GNAT1: variants seen among roughly 807,000 people sequenced by gnomAD.
GNAT1 encodes G protein subunit alpha transducin 1.
A neutral mutation model predicts 40.0 loss-of-function variants in GNAT1; 36 were observed. That is an observed-to-expected ratio of 0.90 (90% CI 0.69 to 1.19). GNAT1 has a LOEUF of 1.19. GNAT1 is among the 50% of genes most tolerant of loss of function. The pLI is 0.00. For missense variants in GNAT1, 413 were observed against 480.6 expected, an observed-to-expected ratio of 0.86 and a Z score of 1.32; for synonymous variants, 195 against 192.9, an observed-to-expected ratio of 1.01 and a Z score of -0.09.
Position 50,194,905 on chromosome 3 carries a change from G to C in GNAT1, c.1003G>C (p.Val335Leu), listed in dbSNP as rs140221218. Residue 335 changes from valine to leucine, a missense_variant, in exon 8 of 9, where the codon GTC (valine) becomes CTC (leucine). Coordinates refer to ENST00000232461, the MANE Select transcript of GNAT1 (RefSeq NM_144499.3). This position sits in a 1 kb window ranked among gnomAD's most constrained non-coding sequence, Gnocchi z 6.1. ...TQNVKFVFDA[V>L]TDIIIKENLK... ...GAACGTCAAATTTGTCTTCGACGCT[G>C]TCACCGACATCATCATCAAGGAGAA... The C allele has an allele frequency of 1.9e-6, 3 of 1,613,780 alleles. No individual in the cohort carries two copies. The highest frequency in any genetic ancestry group is 4.5e-5 in the East Asian group (2 of 44,884).
Position 50,194,250 on chromosome 3 carries a change from G to C in GNAT1, c.708+29G>C, listed in dbSNP as rs768451825. On this transcript the variant is annotated intron_variant, in intron 6 of 8. Coordinates refer to ENST00000232461, the MANE Select transcript of GNAT1 (RefSeq NM_144499.3). The surrounding 1 kb of genome is among the most constrained non-coding windows in gnomAD (Gnocchi z 6.1). ...CGTGCCAGGCAGGGCCTGTGTTCCA[G>C]GGGGGCGAGGAGGAGCTGCTGGTCC... 2.5e-6 allele frequency: 4 copies of C among 1,584,672 alleles called. No homozygotes were observed. Among genetic ancestry groups the C allele is most frequent in the South Asian group, 1.1e-5 (1 of 88,158 alleles).
Position 50,194,108 on chromosome 3 carries a change from G to T in GNAT1, c.595G>T (p.Gly199Trp), listed in dbSNP as rs755317184. ...DLNFRMFDVG[G>W]QRSERKKWIH... Reference sequence around the variant, plus strand: ...GCCCCGCAGGATGTTCGATGTGGGCGGGCAGCGCTCGGAGCGCAAGAAGTG... The same window carrying T: ...GCCCCGCAGGATGTTCGATGTGGGCTGGCAGCGCTCGGAGCGCAAGAAGTG... The change falls in exon 6 of 9, where the codon GGG becomes TGG. Residue 199 changes from glycine to tryptophan, a missense_variant. By Grantham distance (184) the Gly-to-Trp change is radical. Transcript: ENST00000232461. The surrounding 1 kb of genome is among the most constrained non-coding windows in gnomAD (Gnocchi z 6.1). 2 of 1,613,850 alleles carry T rather than the reference G, an allele frequency of 1.2e-6. No individual in the cohort carries two copies. The highest frequency in any genetic ancestry group is 1.7e-6 in the Non-Finnish European group (2 of 1,179,868).
Position 50,194,000 on chromosome 3 carries a change from A to G in GNAT1, c.579-92A>G. On this transcript the variant is annotated intron_variant, in intron 5 of 8. Transcript: ENST00000232461. This position sits in a 1 kb window ranked among gnomAD's most constrained non-coding sequence, Gnocchi z 8.1. The stretch of plus-strand genomic sequence containing the variant: ...ATACCCCGCCAGCAGAAAGGGTGGT[A>G]GTCCCGGCCGAGAGCTCCCCGACCA... The G allele has an allele frequency of 6.2e-7, 1 of 1,602,300 alleles. No homozygotes were observed. The highest frequency in any genetic ancestry group is 8.5e-7 in the Non-Finnish European group (1 of 1,169,994).
rs1395400506 is a variant in GNAT1, at chr3:50,197,222, T to C, written c.*1956T>C. ...ATTTTTTGCCAGTTTTAAAAATACA[T>C]GTATCATAAAGTTTACTATCTCAGC... On this transcript the variant is annotated 3_prime_UTR_variant, in exon 9 of 9. Transcript: ENST00000232461. Among the ~76,000 whole-genome samples, 1 of 152,136 alleles carries C rather than the reference T, an allele frequency of 6.6e-6. No homozygotes were observed. Among genetic ancestry groups the C allele is most frequent in the African/African-American group, 2.4e-5 (1 of 41,418 alleles).
chr3:50,191,884 G>A, intron 1 of GNAT1, 53 bp downstream of exon 1: 1 of 1,135,554 alleles, frequency 8.8e-7, no homozygotes, highest in Non-Finnish European at 1.3e-6. Flanking sequence ...TGGTCTGGAG[G>A]CAGGCAGGCA....
At position 50,197,104 on chromosome 3, in the gene GNAT1, T is replaced by C. The variant is rs1699514172; in HGVS notation, c.*1838T>C. Among the ~76,000 whole-genome samples, 1 of 152,144 alleles carries C rather than the reference T, an allele frequency of 6.6e-6. No homozygotes were observed. Among genetic ancestry groups the C allele is most frequent in the Non-Finnish European group, 1.5e-5 (1 of 68,040 alleles). On this transcript the variant is annotated 3_prime_UTR_variant, in exon 9 of 9. Transcript: ENST00000232461. ...GCAAAACCCCACAATGAATGAAATA[T>C]CAAAATCCAACAGAGGATCAAACAG...
In GNAT1 at chr3:50,195,304, T is replaced by G; in HGVS notation, c.*38T>G. 1 of 380,752 alleles carries G rather than the reference T, an allele frequency of 2.6e-6. No homozygotes were observed. The highest frequency in any genetic ancestry group is 5.0e-6 in the Non-Finnish European group (1 of 199,394). 23.6% of individuals were successfully genotyped at this position (380,752 alleles called of 1,614,324 possible). On this transcript the variant is annotated 3_prime_UTR_variant, in exon 9 of 9. Coordinates refer to ENST00000232461, the MANE Select transcript of GNAT1 (RefSeq NM_144499.3). ...CATGCGTGTCAGTCACCCTGAGACCTGGTAGCCCTAGCTGCCTTGCAGCCC... is the reference window on the plus strand; with the variant it reads ...CATGCGTGTCAGTCACCCTGAGACCGGGTAGCCCTAGCTGCCTTGCAGCCC...
rs765432703 is a variant in GNAT1, at chr3:50,193,351, C to G, written c.236C>G (p.Ala79Gly). 5 of 1,613,912 alleles carry G rather than the reference C, an allele frequency of 3.1e-6. No individual in the cohort carries two copies. The African/African-American group carries it at 6.7e-5, about 22-fold the overall frequency. ...IYGNTLQSIL[A>G]IVRAMTTLNI... ...GGCAACACGTTGCAGTCCATCCTGG[C>G]CATCGTACGCGCCATGACCACACTC... Residue 79 changes from alanine to glycine, a missense_variant, in exon 3 of 9, where the codon GCC becomes GGC. Ala to Gly is a moderately conservative substitution (Grantham distance 60). Coordinates refer to ENST00000232461, the MANE Select transcript of GNAT1 (RefSeq NM_144499.3). This position sits in a 1 kb window ranked among gnomAD's most constrained non-coding sequence, Gnocchi z 8.1.
rs570429852 is a variant in GNAT1 at position 50,193,032 on chromosome 3, C to A, written c.107-101C>A. ...GGCTGGCGCTCAGGCCTCTTCGCTG[C>A]GGGTCCACCCTGCCAACTCGGGAGG... On this transcript the variant is annotated intron_variant, in intron 1 of 8. Transcript: ENST00000232461. The surrounding 1 kb of genome is among the most constrained non-coding windows in gnomAD (Gnocchi z 8.1). 37 of 1,249,158 alleles carry A rather than the reference C, an allele frequency of 3.0e-5. No homozygotes were observed. The highest frequency in any genetic ancestry group is 1.7e-4 in the South Asian group (14 of 81,276). 77.4% of individuals were successfully genotyped at this position (1,249,158 alleles called of 1,614,324 possible).
intron 1 of GNAT1, chr3:50,192,919 C>G: frequency 4.9e-6 from 3 of 616,716 alleles, no homozygotes; most frequent in Non-Finnish European, 8.7e-6. Flanking sequence ...GGCTTCCTTT[C>G]TTCACTTTCC....
chr3:50,193,783 C>A lies in GNAT1; in HGVS notation c.480C>A (p.Thr160=). The A allele has an allele frequency of 1.2e-6, 2 of 1,612,640 alleles. No individual in the cohort carries two copies. The highest frequency in any genetic ancestry group is 1.7e-6 in the Non-Finnish European group (2 of 1,179,830). Residue 160 remains threonine (T), a synonymous_variant, in exon 5 of 9, where the codon ACC becomes ACA. Transcript: ENST00000232461. This position sits in a 1 kb window ranked among gnomAD's most constrained non-coding sequence, Gnocchi z 8.1. ...YYLSDLERLV[T]PGYVPTEQDV... ...TCTCCGACCTGGAGCGCCTGGTAACCCCGGGCTACGTGCCCACCGAGCAGG... is the reference window on the plus strand; with the variant it reads ...TCTCCGACCTGGAGCGCCTGGTAACACCGGGCTACGTGCCCACCGAGCAGG...
chr3:50,193,892 T>C lies in GNAT1; in HGVS notation c.578+11T>C. On this transcript the variant is annotated intron_variant, in intron 5 of 8. Coordinates refer to ENST00000232461, the MANE Select transcript of GNAT1 (RefSeq NM_144499.3). This position sits in a 1 kb window ranked among gnomAD's most constrained non-coding sequence, Gnocchi z 8.1. ...GGATCTCAACTTCCGGTACGACCCA[T>C]ACGCTAGCCCAGGAGGTCACTGCCC... 4 of 1,613,212 alleles carry C rather than the reference T, an allele frequency of 2.5e-6. No individual in the cohort carries two copies. The highest frequency in any genetic ancestry group is 3.4e-6 in the Non-Finnish European group (4 of 1,179,896).
At chr3:50,192,951 C>A in intron 1 of GNAT1, 182 bp from the exon 2 acceptor site, 1 of 647,338 alleles carries the variant, frequency 1.5e-6, no homozygotes, top group Non-Finnish European at 2.7e-6. Flanking sequence ...AACCTTGTGA[C>A]TTCAGGATGT....
At position 50,193,631 on chromosome 3, in the gene GNAT1, C is replaced by T. The variant is rs779594965; in HGVS notation, c.417C>T (p.Ala139=). 1.1e-5 allele frequency: 18 copies of T among 1,612,276 alleles called. No homozygotes were observed. Among genetic ancestry groups the T allele is most frequent in the African/African-American group, 1.3e-5 (1 of 74,938 alleles). ...GTATCCAGGCCTGTTTTGAGCGCGC[C>T]TCGGAGTACCAGCTCAACGACTCGG... The part of the protein sequence containing the change: ...DSGIQACFER[A]SEYQLNDSAG... The change falls in exon 4 of 9, where the codon GCC becomes GCT. Residue 139 remains alanine (A), a synonymous_variant. Coordinates refer to ENST00000232461, the MANE Select transcript of GNAT1 (RefSeq NM_144499.3). The surrounding 1 kb of genome is among the most constrained non-coding windows in gnomAD (Gnocchi z 8.1).
rs931020846 is a variant in GNAT1 at position 50,194,254 on chromosome 3, G to A, written c.708+33G>A. On this transcript the variant is annotated intron_variant, in intron 6 of 8. Coordinates refer to ENST00000232461, the MANE Select transcript of GNAT1 (RefSeq NM_144499.3). The surrounding 1 kb of genome is among the most constrained non-coding windows in gnomAD (Gnocchi z 6.1). ...CCAGGCAGGGCCTGTGTTCCAGGGG[G>A]GCGAGGAGGAGCTGCTGGTCCCTGG... 1.9e-6 allele frequency: 3 copies of A among 1,581,842 alleles called. No homozygotes were observed. Among genetic ancestry groups the A allele is most frequent in the Non-Finnish European group, 2.6e-6 (3 of 1,163,492 alleles).
At position 50,194,946 on chromosome 3, in the gene GNAT1, C is replaced by A. The variant is rs149879603; in HGVS notation, c.1044C>A (p.Gly348=). 2 of 1,612,070 alleles carry A rather than the reference C, an allele frequency of 1.2e-6. No homozygotes were observed. Among genetic ancestry groups the A allele is most frequent in the African/African-American group, 2.7e-5 (2 of 74,866 alleles). ...TCAAGGAGAACCTCAAAGACTGTGGCCTCTTCTGAGGTAGGTCGCTGCCCT... is the reference window on the plus strand; with the variant it reads ...TCAAGGAGAACCTCAAAGACTGTGGACTCTTCTGAGGTAGGTCGCTGCCCT... ...IIIKENLKDC[G]LF Residue 348 remains glycine, a synonymous_variant, in exon 8 of 9, where the codon GGC becomes GGA. Transcript: ENST00000232461. The surrounding 1 kb of genome is among the most constrained non-coding windows in gnomAD (Gnocchi z 6.1).
At position 50,194,057 on chromosome 3, in the gene GNAT1, C is replaced by T. The variant is rs1699463965; in HGVS notation, c.579-35C>T. On this transcript the variant is annotated intron_variant, in intron 5 of 8. Coordinates refer to ENST00000232461, the MANE Select transcript of GNAT1 (RefSeq NM_144499.3). The surrounding 1 kb of genome is among the most constrained non-coding windows in gnomAD (Gnocchi z 6.1). ...GGCGAAGGGATGTTGCCTGTGGGGC[C>T]CGGGGCGCAGGTTCAGGCCCCCGCG... is the stretch of plus-strand genomic sequence containing the variant. 2 of 1,610,664 alleles carry T rather than the reference C, an allele frequency of 1.2e-6. No individual in the cohort carries two copies. The highest frequency in any genetic ancestry group is 1.7e-5 in the Admixed American group (1 of 59,830).
At position 50,194,951 on chromosome 3, in the gene GNAT1, T is replaced by A; in HGVS notation, c.1049T>A (p.Phe350Tyr). ...IKENLKDCGL[F>Y] The stretch of plus-strand genomic sequence containing the variant: ...GAGAACCTCAAAGACTGTGGCCTCT[T>A]CTGAGGTAGGTCGCTGCCCTCTCCA... The change falls in exon 8 of 9, where the codon TTC becomes TAC. Residue 350 changes from phenylalanine (F) to tyrosine (Y), a missense_variant. Coordinates refer to ENST00000232461, the MANE Select transcript of GNAT1 (RefSeq NM_144499.3). The surrounding 1 kb of genome is among the most constrained non-coding windows in gnomAD (Gnocchi z 6.1). The A allele has an allele frequency of 6.2e-7, 1 of 1,611,396 alleles. No individual in the cohort carries two copies. Among genetic ancestry groups the A allele is most frequent in the Non-Finnish European group, 8.5e-7 (1 of 1,178,466 alleles).
Position 50,197,476 on chromosome 3 carries a change from T to G in GNAT1, c.*2210T>G, listed in dbSNP as rs1189697856. 6.6e-6 allele frequency among the ~76,000 whole-genome samples: 1 copy of G among 152,200 alleles called. No homozygotes were observed. Among genetic ancestry groups the G allele is most frequent in the Non-Finnish European group, 1.5e-5 (1 of 68,034 alleles). On this transcript the variant is annotated 3_prime_UTR_variant, in exon 9 of 9. Coordinates refer to ENST00000232461, the MANE Select transcript of GNAT1 (RefSeq NM_144499.3). ...GCCTCAGATGTGTGGGTCCATGAAG[T>G]CTTTGTCTTTTTGCAACTGGCTTAT...
Sources: gnomAD v4.1 joint callset for allele counts (sites outside exome capture counted in the v4.1 genomes callset) on GRCh38, gnomAD v4.1.1 for gene constraint, Gnocchi (gnomAD v3.1) non-coding constraint, MANE v1.5 for transcripts, NCBI Gene and HGNC (gene_info 2026-07-23, HGNC 2026-07-21) for gene names.